Variants in AGGF1 observed in about 807,000 individuals in gnomAD.
AGGF1 encodes angiogenic factor with G-patch and FHA domains 1.
In AGGF1, 56 loss-of-function variants were observed where a neutral mutation model predicts 86.5. The observed-to-expected ratio is 0.65, with a 90% CI of 0.52 to 0.81. The LOEUF (loss-of-function observed/expected upper bound fraction) is 0.81, where lower values mean the gene tolerates loss of function less well. Among genes scored for constraint, AGGF1 ranks in the 30% least tolerant of loss-of-function variants. The pLI, the probability that AGGF1 is intolerant of heterozygous loss-of-function variation, is 0.00. For missense variants in AGGF1, 816 were observed against 850.9 expected, an observed-to-expected ratio of 0.96 and a Z score of 0.51; for synonymous variants, 313 against 297.1, an observed-to-expected ratio of 1.05 and a Z score of -0.55.
At chr5:77,054,435 G>A (rs1165559098) in intron 10 of AGGF1, among the ~76,000 whole-genome samples, 3 of 152,112 alleles carry the variant, frequency 2.0e-5, no homozygotes, top group African/African-American at 7.2e-5. Flanking sequence ...ATGTAGCATT[G>A]GTCTGCTTTT....
intron 2 of AGGF1, among the ~76,000 whole-genome samples, chr5:77,035,241 A>G (rs1360160859): frequency 6.6e-6 from 1 of 152,220 alleles, no homozygotes; most frequent in African/African-American, 2.4e-5. Flanking sequence ...TAAATAGAAC[A>G]CAACCTATCT....
Position 77,035,633 on chromosome 5 carries a change from A to G in AGGF1, c.406A>G (p.Ile136Val), listed in dbSNP as rs760478379. 8.1e-6 allele frequency: 13 copies of G among 1,613,498 alleles called. No homozygotes were observed. Among genetic ancestry groups the G allele is most frequent in the Admixed American group, 3.3e-5 (2 of 59,992 alleles). The change falls in exon 3 of 14, where the codon ATT becomes GTT. Residue 136 changes from isoleucine (I) to valine (V), a missense_variant. By Grantham distance (29) the Ile-to-Val change is conservative. Around this residue, in one of 3 missense-constraint regions of AGGF1, gnomAD observed 240 missense variants for 234.4 expected, o/e 1.02. Coordinates refer to ENST00000312916, the MANE Select transcript of AGGF1 (RefSeq NM_018046.5). Reference protein sequence around the residue: ...DQQDQAIETSILNSKDHLQVE... With the variant: ...DQQDQAIETSVLNSKDHLQVE... ...ACAAGATCAAGCTATCGAAACTTCTATTTTGAATTCTAAAGACCATTTACA... is the reference window on the plus strand; with the variant it reads ...ACAAGATCAAGCTATCGAAACTTCTGTTTTGAATTCTAAAGACCATTTACA...
At chr5:77,055,452 T>C in intron 10 of AGGF1, 62 bp from the exon 11 acceptor site, 2 of 1,098,098 alleles carry the variant, frequency 1.8e-6, no homozygotes, top group Non-Finnish European at 2.7e-6. Context: ...ATAACATTAG[T>C]TTTAATTTTG....
chr5:77,050,256 C>T (rs1747345926), intron 8 of AGGF1, among the ~76,000 whole-genome samples: 1 of 151,322 alleles, frequency 6.6e-6, no homozygotes, highest in Non-Finnish European at 1.5e-5. Flanking sequence ...TCCCCACCTC[C>T]AGTCTAAACC....
intron 4 of AGGF1, 130 bp from the exon 5 acceptor site, chr5:77,039,401 A>T: frequency 2.8e-6 from 2 of 705,130 alleles, no homozygotes; most frequent in South Asian, 2.3e-5. Flanking sequence ...TGTTATCTTT[A>T]ATTCATTGTC....
chr5:77,043,526 G>A, intron 5 of AGGF1, among the ~76,000 whole-genome samples: 1 of 146,448 alleles, frequency 6.8e-6, no homozygotes, highest in African/African-American at 2.5e-5. Context: ...CGGCTGGCCG[G>A]GCGGGGGGCT....
At position 77,035,763 on chromosome 5, in the gene AGGF1, G is replaced by A. The variant is rs1024672489; in HGVS notation, c.516+20G>A. Reference sequence around the variant, plus strand: ...TCACAGGTAATAAAATGCTAAACATGAAACTGTTGATGCCCAAGAACCTGT... The same window carrying A: ...TCACAGGTAATAAAATGCTAAACATAAAACTGTTGATGCCCAAGAACCTGT... On this transcript the variant is annotated intron_variant, in intron 3 of 13. Coordinates refer to ENST00000312916, the MANE Select transcript of AGGF1 (RefSeq NM_018046.5). 2 of 1,597,100 alleles carry A rather than the reference G, an allele frequency of 1.3e-6. No homozygotes were observed.
At chr5:77,061,414 T>C (rs1330757870) in intron 12 of AGGF1, among the ~76,000 whole-genome samples, 1 of 152,276 alleles carries the variant, frequency 6.6e-6, no homozygotes, top group Non-Finnish European at 1.5e-5. Flanking sequence ...ACTGTATCAC[T>C]ATACCACAAT....
chr5:77,032,372 C>T (rs1208236885), intron 1 of AGGF1, among the ~76,000 whole-genome samples: 1 of 151,250 alleles, frequency 6.6e-6, no homozygotes, highest in South Asian at 2.1e-4. Flanking sequence ...TCGAGACCAT[C>T]CTGGCTAACA....
intron 5 of AGGF1, among the ~76,000 whole-genome samples, chr5:77,044,351 G>A (rs572173839): frequency 4.6e-5 from 7 of 152,292 alleles, no homozygotes; most frequent in African/African-American, 1.7e-4. Context: ...ATTTCCTGAG[G>A]ATTCTAAAAG....
At position 77,038,463 on chromosome 5, in the gene AGGF1, A is replaced by AT. The variant is rs546740826; in HGVS notation, c.682-1060dup. Among the ~76,000 whole-genome samples, 557 of 152,106 alleles carry AT rather than the reference A, an allele frequency of 3.7e-3. 4 individuals are homozygous for AT. The highest frequency in any genetic ancestry group is 0.013 in the African/African-American group (525 of 41,520). ...TTTCATTGTGCTAATATTTTAATAA[A>AT]TTTTTTTTATATTTTGAAAATGTCT... On this transcript the variant is annotated intron_variant, in intron 4 of 13. Transcript: ENST00000312916.
At chr5:77,044,453 G>T (rs1200290983) in intron 5 of AGGF1, among the ~76,000 whole-genome samples, 2 of 152,170 alleles carry the variant, frequency 1.3e-5, no homozygotes, top group Non-Finnish European at 2.9e-5. Context: ...AGGTTATGTG[G>T]AAGGAAGACA....
At chr5:77,031,897 CTG>C (rs1388831135) in intron 1 of AGGF1, among the ~76,000 whole-genome samples, 3 of 152,090 alleles carry the variant, frequency 2.0e-5, no homozygotes, top group African/African-American at 7.2e-5. Context: ...GAGTGCAACT[CTG>C]TCTCAAAATA....
intron 5 of AGGF1, among the ~76,000 whole-genome samples, chr5:77,040,762 T>C (rs1160700002): frequency 1.3e-5 from 2 of 152,246 alleles, no homozygotes. Context: ...CTATTTGATA[T>C]CTTACTCTTG....
At chr5:77,049,172 GAATA>G (rs1747326588) in intron 8 of AGGF1, among the ~76,000 whole-genome samples, 185 bp downstream of exon 8, 1 of 152,142 alleles carries the variant, frequency 6.6e-6, no homozygotes, top group Admixed American at 6.6e-5. Flanking sequence ...ATCACAATTT[GAATA>G]AATAAAATTA....
Position 77,036,789 on chromosome 5 carries a change from G to C in AGGF1, c.681+69G>C, listed in dbSNP as rs1746977494. ...GTCTCCCTCTGTCACCCCGGCTGGA[G>C]TGCAGTGGAGTGATCTCAGCTCACT... On this transcript the variant is annotated intron_variant, in intron 4 of 13. Coordinates refer to ENST00000312916, the MANE Select transcript of AGGF1 (RefSeq NM_018046.5). 4.6e-6 allele frequency: 7 copies of C among 1,535,846 alleles called. No individual in the cohort carries two copies. In the Admixed American group the frequency reaches 1.0e-4, roughly 22 times the overall value.
chr5:77,045,945 A>G (rs1167811104), intron 5 of AGGF1, among the ~76,000 whole-genome samples: 1 of 152,232 alleles, frequency 6.6e-6, no homozygotes, highest in Non-Finnish European at 1.5e-5. Context: ...TAAAAGTACA[A>G]ATATGGTTTG....
In AGGF1 at chr5:77,039,543, T is replaced by A; in HGVS notation, c.694T>A (p.Tyr232Asn). Residue 232 changes from tyrosine (Y) to asparagine (N), a missense_variant, in exon 5 of 14, where the codon TAT (tyrosine) becomes AAT (asparagine). Tyr to Asn is a moderately radical substitution (Grantham distance 143). Coordinates refer to ENST00000312916, the MANE Select transcript of AGGF1 (RefSeq NM_018046.5). ...TTGACTTTCAAAGGAAAATCAACTC[T>A]ATTATGATCCTTCCACTGGAATTTA... ...GFYYDSENQL[Y>N]YDPSTGIYYY... 2 of 1,603,158 alleles carry A rather than the reference T, an allele frequency of 1.2e-6. No individual in the cohort carries two copies. Among genetic ancestry groups the A allele is most frequent in the Non-Finnish European group, 1.7e-6 (2 of 1,173,600 alleles).
chr5:77,032,144 T>C (rs919885262), intron 1 of AGGF1, among the ~76,000 whole-genome samples: 5 of 151,378 alleles, frequency 3.3e-5, no homozygotes, highest in Admixed American at 1.3e-4. Context: ...AATGACTTTG[T>C]ATGACCATTA....
Sources: gnomAD v4.1 joint callset for allele counts (sites outside exome capture counted in the v4.1 genomes callset) on GRCh38, gnomAD v4.1.1 for gene constraint, gnomAD v4.1.1 regional missense constraint, MANE v1.5 for transcripts, NCBI Gene and HGNC (gene_info 2026-07-23, HGNC 2026-07-21) for gene names.